The following NELL1 variants were observed in gnomAD, a reference collection of about 807,000 sequenced individuals.
NELL1 encodes the protein neural EGFL like 1.
A neutral mutation model predicts 107.4 loss-of-function variants in NELL1; 76 were observed. That is an observed-to-expected ratio of 0.71 (90% confidence interval 0.59 to 0.86). The LOEUF is 0.86. Among genes scored for constraint, NELL1 ranks in the 40% least tolerant of loss-of-function variants. The pLI, the probability that NELL1 is intolerant of heterozygous loss-of-function variation, is 0.00. For synonymous variants in NELL1, 353 were observed against 341.2 expected (o/e 1.03, Z -0.38); for missense variants, 1,024 against 1,005.5 (o/e 1.02, Z -0.25).
intron 8 of NELL1, 92 bp downstream of exon 8, chr11:20,927,534 T>A: frequency 8.0e-7 from 1 of 1,256,784 alleles, no homozygotes; most frequent in Non-Finnish European, 1.1e-6. Flanking sequence ...ATAAATAATA[T>A]TAACTCTGAG....
intron 4 of NELL1, among the ~76,000 whole-genome samples, chr11:20,870,434 T>G (rs1343885336): frequency 1.0e-5 from 1 of 96,954 alleles, no homozygotes; most frequent in Non-Finnish European, 2.7e-5. Flanking sequence ...ATTTGAGACA[T>G]CTCTGGCAAC....
At chr11:21,151,588 GA>G (rs1856119288) in intron 13 of NELL1, among the ~76,000 whole-genome samples, 1 of 152,124 alleles carries the variant, frequency 6.6e-6, no homozygotes, top group Non-Finnish European at 1.5e-5. Context: ...TTCCACATCT[GA>G]AATTTGGAAT....
chr11:20,999,952 T>C (rs1274156038), intron 12 of NELL1, among the ~76,000 whole-genome samples: 1 of 152,048 alleles, frequency 6.6e-6, no homozygotes, highest in Non-Finnish European at 1.5e-5. Flanking sequence ...TTATATTTGA[T>C]TAGTTGAAAG....
At chr11:21,156,184 G>T (rs1414599640) in intron 13 of NELL1, among the ~76,000 whole-genome samples, 1 of 152,162 alleles carries the variant, frequency 6.6e-6, no homozygotes, top group African/African-American at 2.4e-5. Context: ...ACATGTGACT[G>T]AAGCTGCAGA....
intron 2 of NELL1, among the ~76,000 whole-genome samples, chr11:20,683,314 C>T (rs1854233222): frequency 6.6e-6 from 1 of 151,172 alleles, no homozygotes; most frequent in Non-Finnish European, 1.5e-5. Flanking sequence ...TCTTTTTTTC[C>T]CCAACTTTTG....
At chr11:20,860,568 CATGTGGATGTGTGCTGTA>C (rs1848960787) in intron 4 of NELL1, among the ~76,000 whole-genome samples, 2 of 152,156 alleles carry the variant, frequency 1.3e-5, no homozygotes, top group African/African-American at 2.4e-5. Context: ...TGAGGGCCTG[CATGTGGATGTGTGCTGTA>C]ACTTTCAGTG....
At chr11:21,445,783 T>G (rs1853410498) in intron 15 of NELL1, among the ~76,000 whole-genome samples, 1 of 152,276 alleles carries the variant, frequency 6.6e-6, no homozygotes, top group East Asian at 1.9e-4. Flanking sequence ...ACATTTATTT[T>G]TCCTTCATGT....
chr11:20,781,348 C>T (rs1288113081), intron 2 of NELL1, among the ~76,000 whole-genome samples: 1 of 151,800 alleles, frequency 6.6e-6, no homozygotes, highest in African/African-American at 2.4e-5. Flanking sequence ...TCACTGTAGG[C>T]ACATTACAAT....
At chr11:21,558,447 A>G (rs1236454554) in intron 16 of NELL1, among the ~76,000 whole-genome samples, 2 of 151,910 alleles carry the variant, frequency 1.3e-5, no homozygotes, top group Non-Finnish European at 2.9e-5. Context: ...TGTGACAAAA[A>G]TATTCTCAAT....
At chr11:21,332,442 T>A (rs1046468134) in intron 14 of NELL1, among the ~76,000 whole-genome samples, 5 of 152,026 alleles carry the variant, frequency 3.3e-5, no homozygotes, top group African/African-American at 4.8e-5. Flanking sequence ...AGACACAAAG[T>A]TGAGGCAATC....
chr11:20,807,790 C>T (rs1857416490), intron 3 of NELL1, among the ~76,000 whole-genome samples: 1 of 152,222 alleles, frequency 6.6e-6, no homozygotes, highest in Non-Finnish European at 1.5e-5. Context: ...TTTTCCTTCC[C>T]CTTTTCCCAG....
At chr11:21,296,306 C>T (rs1220383556) in intron 14 of NELL1, among the ~76,000 whole-genome samples, 1 of 151,700 alleles carries the variant, frequency 6.6e-6, no homozygotes, top group Non-Finnish European at 1.5e-5. Flanking sequence ...TAAAAAAAGA[C>T]CAAAAAACCC....
intron 15 of NELL1, among the ~76,000 whole-genome samples, chr11:21,433,582 A>G (rs1853025289): frequency 6.6e-6 from 1 of 152,164 alleles, no homozygotes; most frequent in Non-Finnish European, 1.5e-5. Context: ...TAACTGGGGT[A>G]TGATGAGACC....
intron 4 of NELL1, among the ~76,000 whole-genome samples, chr11:20,855,367 ACT>A (rs1848864227): frequency 6.6e-6 from 1 of 151,906 alleles, no homozygotes; most frequent in Non-Finnish European, 1.5e-5. Context: ...AATACAATAG[ACT>A]CTTTCCTTTA....
At chr11:20,762,360 C>T (rs573877046) in intron 2 of NELL1, among the ~76,000 whole-genome samples, 84 of 152,284 alleles carry the variant, frequency 5.5e-4, no homozygotes, top group African/African-American at 7.7e-4. Flanking sequence ...ACACTGAGCA[C>T]GTCTGCGGTT....
At chr11:21,462,695 A>G (rs1367633755) in intron 15 of NELL1, among the ~76,000 whole-genome samples, 5 of 152,012 alleles carry the variant, frequency 3.3e-5, no homozygotes, top group African/African-American at 9.7e-5. Flanking sequence ...GCTCCAGGAT[A>G]TGGGTTTCTC....
intron 13 of NELL1, among the ~76,000 whole-genome samples, chr11:21,139,947 C>G (rs1331209986): frequency 1.3e-5 from 2 of 152,106 alleles, no homozygotes; most frequent in Non-Finnish European, 2.9e-5. Context: ...TGCTAAGCCT[C>G]CTGGGATCTC....
At chr11:20,963,854 A>G (rs1851338142) in intron 12 of NELL1, among the ~76,000 whole-genome samples, 1 of 152,196 alleles carries the variant, frequency 6.6e-6, no homozygotes, top group South Asian at 2.1e-4. Context: ...TGTCCAGGCC[A>G]TCTTGAAAAG....
rs139924365 is a variant in NELL1, at chr11:21,024,073, G to C, written c.1300+63513G>C. ...AAAGATAGCGATTTACTTCTCAAAA[G>C]TAATAACAATTCCTATTCTTTATAG... On this transcript the variant is annotated intron_variant, in intron 12 of 19. Transcript: ENST00000357134. 4.9e-3 allele frequency among the ~76,000 whole-genome samples: 742 copies of C among 151,980 alleles called. 4 individuals are homozygous for C. Among genetic ancestry groups the C allele is most frequent in the Middle Eastern group, 0.038 (11 of 292 alleles).
Sources: gnomAD v4.1 joint callset for allele counts (sites outside exome capture counted in the v4.1 genomes callset) on GRCh38, gnomAD v4.1.1 for gene constraint, MANE v1.5 for transcripts, NCBI Gene and HGNC (gene_info 2026-07-23, HGNC 2026-07-21) for gene names.